Variants in PGR observed in about 807,000 individuals in gnomAD.
The protein encoded by PGR is nuclear receptor subfamily 3 group C member 3.
PGR carries 25 observed loss-of-function variants against 76.1 expected under a neutral mutation model. The observed-to-expected ratio is 0.33, with a 90% CI of 0.24 to 0.46. PGR has a LOEUF of 0.46. PGR is among the 20% of genes least tolerant of loss of function. The pLI is 1.00. For synonymous variants in PGR, 579 were observed against 535.0 expected (o/e 1.08, Z -1.14); for missense variants, 1,172 against 1,225.3 (o/e 0.96, Z 0.65).
At chr11:101,041,101 G>A (rs974753827) in intron 7 of PGR, among the ~76,000 whole-genome samples, 11 of 137,062 alleles carry the variant, frequency 8.0e-5, no homozygotes, top group African/African-American at 2.7e-4. Flanking sequence ...TTATTTCTCT[G>A]AGGATGTTAG....
Position 101,030,059 on chromosome 11 carries a change from A to T in PGR, c.*9057T>A, listed in dbSNP as rs1374756542. ...CACTCAGAAATGAGGAGCAAGGTGT[A>T]TGACTTTAGATTCAAGAAGTATATG... On this transcript the variant is annotated 3_prime_UTR_variant, in exon 8 of 8. Coordinates refer to ENST00000325455, the MANE Select transcript of PGR (RefSeq NM_000926.4). 1 of 218,500 alleles carries T rather than the reference A, an allele frequency of 4.6e-6. No individual in the cohort carries two copies. Among genetic ancestry groups the T allele is most frequent in the African/African-American group, 2.2e-5 (1 of 44,540 alleles). The allele number at this position is 218,500 out of a possible 1,614,324, so 13.5% of individuals were successfully genotyped here.
chr11:101,092,181 C>T (rs1010450924), intron 2 of PGR, among the ~76,000 whole-genome samples: 5 of 152,174 alleles, frequency 3.3e-5, no homozygotes, highest in Non-Finnish European at 7.3e-5. Flanking sequence ...CTTTAGATGT[C>T]ATTTCAAGAT....
intron 4 of PGR, among the ~76,000 whole-genome samples, chr11:101,052,078 A>C (rs1860110270): frequency 6.6e-6 from 1 of 152,180 alleles, no homozygotes; most frequent in Non-Finnish European, 1.5e-5. Flanking sequence ...GTTAAATCTC[A>C]GTTCTTTGGG....
intron 6 of PGR, among the ~76,000 whole-genome samples, chr11:101,044,778 G>T (rs1326474143): frequency 6.9e-6 from 1 of 144,764 alleles, no homozygotes; most frequent in Non-Finnish European, 1.5e-5. Context: ...ACAATCTCAG[G>T]TCACTGCAAC....
chr11:101,076,496 A>C (rs1046613845), intron 3 of PGR, among the ~76,000 whole-genome samples: 5 of 152,110 alleles, frequency 3.3e-5, no homozygotes, highest in Non-Finnish European at 7.4e-5. Context: ...ATATAAATTA[A>C]AAAATTGAAA....
At chr11:101,124,172 C>G (rs994771472) in intron 2 of PGR, among the ~76,000 whole-genome samples, 4 of 152,174 alleles carry the variant, frequency 2.6e-5, no homozygotes, top group African/African-American at 9.6e-5. Context: ...AGGTGCTTCA[C>G]TTCTAGTACT....
chr11:101,029,647 A>T lies in PGR; in HGVS notation c.*9469T>A. ...TATAGAAATTAGTTTATTCTTTATT[A>T]TCACACAGAATAACAAGAATTAGAG... On this transcript the variant is annotated 3_prime_UTR_variant, in exon 8 of 8. Coordinates refer to ENST00000325455, the MANE Select transcript of PGR (RefSeq NM_000926.4). 1 of 192,478 alleles carries T rather than the reference A, an allele frequency of 5.2e-6. No individual in the cohort carries two copies. The highest frequency in any genetic ancestry group is 8.3e-5 in the East Asian group (1 of 12,104). The allele number at this position is 192,478 out of a possible 1,614,324, so 11.9% of individuals were successfully genotyped here. A position where few individuals can be genotyped will look rare whatever the true frequency, so the allele number is the denominator to read the frequency against.
chr11:101,071,238 C>CTGTT (rs1347844341), intron 3 of PGR, among the ~76,000 whole-genome samples: 2 of 152,266 alleles, frequency 1.3e-5, no homozygotes, highest in African/African-American at 4.8e-5. Context: ...AGGGGCCTGA[C>CTGTT]TGTTAGAAGG....
intron 6 of PGR, among the ~76,000 whole-genome samples, chr11:101,043,334 C>A (rs1322070751): frequency 6.6e-6 from 1 of 152,166 alleles, no homozygotes; most frequent in Admixed American, 6.5e-5. Flanking sequence ...TACCACGAAA[C>A]CTCTTCAATT....
In PGR at chr11:101,035,822, G is replaced by A. The variant is rs1859492078; in HGVS notation, c.*3294C>T. On this transcript the variant is annotated 3_prime_UTR_variant, in exon 8 of 8. Coordinates refer to ENST00000325455, the MANE Select transcript of PGR (RefSeq NM_000926.4). ...AACCAAATATATCATAGCACATGGT[G>A]ACATAAATAAAACAGTGAGACTTTC... 4.3e-6 allele frequency: 1 copy of A among 231,432 alleles called. No individual in the cohort carries two copies. The allele number at this position is 231,432 out of a possible 1,614,324, so 14.3% of individuals were successfully genotyped here. A position where few individuals can be genotyped will look rare whatever the true frequency, so the allele number is the denominator to read the frequency against.
intron 4 of PGR, among the ~76,000 whole-genome samples, chr11:101,058,019 C>T (rs907232727): frequency 2.6e-5 from 4 of 152,054 alleles, no homozygotes; most frequent in African/African-American, 9.7e-5. Context: ...AGAACACAAA[C>T]AAATTTATAG....
Position 101,051,416 on chromosome 11 carries a change from C to T in PGR, c.2357+8G>A. 6.3e-7 allele frequency: 1 copy of T among 1,588,670 alleles called. No homozygotes were observed. The highest frequency in any genetic ancestry group is 8.6e-7 in the Non-Finnish European group (1 of 1,157,904). On this transcript the variant is annotated splice_region_variant and intron_variant, in intron 5 of 7. Coordinates refer to ENST00000325455, the MANE Select transcript of PGR (RefSeq NM_000926.4). The stretch of plus-strand genomic sequence containing the variant: ...AAAATAACAAAAACAACAAAAGTTA[C>T]TACTTACTCATTTAGTATTAGATCA...
Position 101,032,006 on chromosome 11 carries a change from G to T in PGR, c.*7110C>A, listed in dbSNP as rs1859369200. 1 of 232,544 alleles carries T rather than the reference G, an allele frequency of 4.3e-6. No homozygotes were observed. Among genetic ancestry groups the T allele is most frequent in the Non-Finnish European group, 8.5e-6 (1 of 117,722 alleles). The allele number at this position is 232,544 out of a possible 1,614,324, so 14.4% of individuals were successfully genotyped here. ...CAAAGGTAGGGATATAGGTGGAGTGGTACAGATTGTTTGGACAGATAGAAT... is the reference window on the plus strand; with the variant it reads ...CAAAGGTAGGGATATAGGTGGAGTGTTACAGATTGTTTGGACAGATAGAAT... On this transcript the variant is annotated 3_prime_UTR_variant, in exon 8 of 8. Transcript: ENST00000325455.
chr11:101,116,542 C>A (rs985812004), intron 2 of PGR, among the ~76,000 whole-genome samples: 2 of 152,054 alleles, frequency 1.3e-5, no homozygotes, highest in Admixed American at 6.6e-5. Context: ...GAGTTCGAGA[C>A]CAATCTGGTC....
intron 2 of PGR, among the ~76,000 whole-genome samples, chr11:101,117,963 T>A (rs1003284831): frequency 2.6e-5 from 4 of 152,180 alleles, no homozygotes; most frequent in African/African-American, 9.7e-5. Context: ...ATATAGGCAA[T>A]CAGTAATGAC....
chr11:101,061,656 T>C (rs1234069680), intron 4 of PGR, among the ~76,000 whole-genome samples: 2 of 152,190 alleles, frequency 1.3e-5, no homozygotes, highest in Non-Finnish European at 2.9e-5. Context: ...GAATGTAGTT[T>C]TTTAAAAAGT....
At chr11:101,093,111 T>C (rs898260296) in intron 2 of PGR, among the ~76,000 whole-genome samples, 14 of 152,218 alleles carry the variant, frequency 9.2e-5, no homozygotes, top group Non-Finnish European at 1.3e-4. Context: ...AATATTTTCT[T>C]AAAGATGCAT....
chr11:101,089,243 A>C (rs1861597134), intron 3 of PGR, among the ~76,000 whole-genome samples: 1 of 152,234 alleles, frequency 6.6e-6, no homozygotes, highest in African/African-American at 2.4e-5. Context: ...ACTCTTTCCC[A>C]GAGTTTAACA....
chr11:101,080,107 T>A (rs1315544871), intron 3 of PGR, among the ~76,000 whole-genome samples: 2 of 152,224 alleles, frequency 1.3e-5, no homozygotes, highest in Non-Finnish European at 2.9e-5. Flanking sequence ...CGGTCCAAAC[T>A]TGCCCTTTGT....
Sources: allele counts gnomAD v4.1 joint callset (sites outside exome capture counted in the v4.1 genomes callset), GRCh38; gene constraint gnomAD v4.1.1; transcripts MANE v1.5; gene names NCBI Gene and HGNC (gene_info 2026-07-23, HGNC 2026-07-21).